The following NBEA variants were observed in gnomAD, a reference collection of about 807,000 sequenced individuals.
NBEA encodes neurobeachin.
NBEA carries 44 observed loss-of-function variants against 343.4 expected under a neutral mutation model. The ratio of observed to expected loss-of-function variants is 0.13; its 90% confidence interval spans 0.10 to 0.16. The LOEUF (loss-of-function observed/expected upper bound fraction) is 0.16. Ranked by LOEUF, NBEA falls within the 10% of genes least tolerant of loss-of-function variation. NBEA has a pLI of 1.00. For synonymous variants in NBEA, 1,175 were observed against 1,238.7 expected, an observed-to-expected ratio of 0.95 and a Z score of 1.08; for missense variants, 2,555 against 3,631.3, an observed-to-expected ratio of 0.70 and a Z score of 7.62.
intron 41 of NBEA, among the ~76,000 whole-genome samples, chr13:35,516,780 T>C (rs1321734090): frequency 6.6e-6 from 1 of 152,210 alleles, no homozygotes; most frequent in African/African-American, 2.4e-5. Context: ...AAGTACTTAA[T>C]ATGTGTCAGA....
At chr13:35,216,022 G>A (rs1396571149) in intron 33 of NBEA, among the ~76,000 whole-genome samples, 2 of 151,414 alleles carry the variant, frequency 1.3e-5, no homozygotes, top group Non-Finnish European at 3.0e-5. Flanking sequence ...ATATAAGCAT[G>A]ATCCCTAATG....
chr13:35,519,299 C>A (rs1311312998), intron 41 of NBEA, among the ~76,000 whole-genome samples: 1 of 152,128 alleles, frequency 6.6e-6, no homozygotes, highest in Non-Finnish European at 1.5e-5. Context: ...AAATGATACT[C>A]CTAAGTTTTA....
At position 35,606,727 on chromosome 13, in the gene NBEA, T is replaced by G. The variant is rs1388650553; in HGVS notation, c.7449+149T>G. On this transcript the variant is annotated intron_variant, in intron 48 of 58. Coordinates refer to ENST00000379939, the MANE Select transcript of NBEA (RefSeq NM_001385012.1). ...AAAATTTTAAATGAAAAAGAAAACATTTTACTGTTGTCTTGACAGCATTCC... is the reference window on the plus strand; with the variant it reads ...AAAATTTTAAATGAAAAAGAAAACAGTTTACTGTTGTCTTGACAGCATTCC... 3 of 667,202 alleles carry G rather than the reference T, an allele frequency of 4.5e-6. No individual in the cohort carries two copies. The South Asian group carries it at 1.4e-4, about 31-fold the overall frequency. The allele number at this position is 667,202 out of a possible 1,614,324, so 41.3% of individuals were successfully genotyped here.
chr13:35,206,300 A>C (rs572743587), intron 31 of NBEA, among the ~76,000 whole-genome samples: 1 of 152,248 alleles, frequency 6.6e-6, no homozygotes, highest in East Asian at 1.9e-4. Flanking sequence ...AATTTATAGT[A>C]ATAGTTTTTC....
At chr13:35,177,410 C>T (rs1293159160) in intron 28 of NBEA, among the ~76,000 whole-genome samples, 5 of 151,786 alleles carry the variant, frequency 3.3e-5, no homozygotes, top group Admixed American at 3.3e-4. Context: ...GTATTCCTTG[C>T]TCCATTTGCA....
chr13:35,253,821 G>A (rs908196884), intron 34 of NBEA, among the ~76,000 whole-genome samples: 13 of 151,436 alleles, frequency 8.6e-5, no homozygotes, highest in South Asian at 2.1e-4. Flanking sequence ...ACTTCTATAC[G>A]TTTTTGTAAG....
chr13:35,273,163 A>G (rs2034302508), intron 34 of NBEA, among the ~76,000 whole-genome samples: 1 of 152,206 alleles, frequency 6.6e-6, no homozygotes, highest in Non-Finnish European at 1.5e-5. Context: ...CTCTCAGACC[A>G]CAGTGCAATC....
chr13:35,470,207 A>G (rs1178551838), intron 40 of NBEA, among the ~76,000 whole-genome samples: 2 of 152,208 alleles, frequency 1.3e-5, no homozygotes, highest in Non-Finnish European at 2.9e-5. Context: ...TGCCCAGAAA[A>G]TCTCCTCAAC....
At chr13:35,479,743 AG>A (rs1374668720) in intron 41 of NBEA, among the ~76,000 whole-genome samples, 1 of 152,210 alleles carries the variant, frequency 6.6e-6, no homozygotes, top group Non-Finnish European at 1.5e-5. Context: ...CAGTTATACC[AG>A]TCTTGCAATA....
intron 17 of NBEA, among the ~76,000 whole-genome samples, chr13:35,125,307 G>T (rs1566325875): frequency 1.3e-5 from 2 of 152,194 alleles, no homozygotes; most frequent in Non-Finnish European, 2.9e-5. Flanking sequence ...AATGCAAAGA[G>T]AATGGTGAGA....
chr13:35,070,333 A>G lies in NBEA; in HGVS notation c.1437+228A>G, dbSNP rs74051233. ...AAATCTGTCATATCCATTATCTTAT[A>G]TAGCCTTTGAAATTAAATCAATTAA... On this transcript the variant is annotated intron_variant, in intron 9 of 58. Transcript: ENST00000379939. Among the ~76,000 whole-genome samples the G allele has an allele frequency of 9.7e-3, 1,478 of 152,152 alleles. 20 individuals carry two copies. The highest frequency in any genetic ancestry group is 0.034 in the African/African-American group (1,426 of 41,522).
intron 41 of NBEA, among the ~76,000 whole-genome samples, chr13:35,546,433 C>T (rs575741470): frequency 2.0e-5 from 3 of 147,804 alleles, no homozygotes; most frequent in Non-Finnish European, 4.4e-5. Context: ...TGTTGCACTC[C>T]AGCATGGCTG....
At chr13:35,514,460 G>A (rs2152988551) in intron 41 of NBEA, among the ~76,000 whole-genome samples, 1 of 152,258 alleles carries the variant, frequency 6.6e-6, no homozygotes, top group African/African-American at 2.4e-5. Context: ...ACGCTGGGTT[G>A]CCTGGGTCCC....
At chr13:35,277,916 A>C (rs990043361) in intron 34 of NBEA, among the ~76,000 whole-genome samples, 1 of 150,770 alleles carries the variant, frequency 6.6e-6, no homozygotes, top group Non-Finnish European at 1.5e-5. Flanking sequence ...GCAAAACCCC[A>C]TCTCTACTAA....
At chr13:35,417,399 C>T (rs1319588422) in intron 38 of NBEA, among the ~76,000 whole-genome samples, 3 of 151,858 alleles carry the variant, frequency 2.0e-5, no homozygotes, top group Non-Finnish European at 2.9e-5. Context: ...CTCTACACAC[C>T]GCTTTAAATG....
intron 41 of NBEA, among the ~76,000 whole-genome samples, chr13:35,537,364 C>T (rs1376621872): frequency 6.6e-6 from 1 of 151,892 alleles, no homozygotes; most frequent in African/African-American, 2.4e-5. Flanking sequence ...AGAAATCAGA[C>T]TCTATATATA....
At chr13:35,448,293 A>G (rs1796132780) in intron 39 of NBEA, among the ~76,000 whole-genome samples, 1 of 152,226 alleles carries the variant, frequency 6.6e-6, no homozygotes, top group Admixed American at 6.5e-5. Context: ...AGTAACATAA[A>G]GCTTTTTTAC....
intron 26 of NBEA, among the ~76,000 whole-genome samples, chr13:35,171,886 TG>T (rs2070488601): frequency 6.6e-6 from 1 of 152,090 alleles, no homozygotes; most frequent in Non-Finnish European, 1.5e-5. Flanking sequence ...TACTGTTTCT[TG>T]GGGTGAACAA....
intron 1 of NBEA, among the ~76,000 whole-genome samples, chr13:35,005,915 A>G (rs926040112): frequency 6.6e-6 from 1 of 152,170 alleles, no homozygotes; most frequent in African/African-American, 2.4e-5. Context: ...AACTCTTGGA[A>G]GAGACAGGAA....
Sources: gnomAD v4.1 joint callset for allele counts (sites outside exome capture counted in the v4.1 genomes callset) on GRCh38, gnomAD v4.1.1 for gene constraint, MANE v1.5 for transcripts, NCBI Gene and HGNC (gene_info 2026-07-23, HGNC 2026-07-21) for gene names.